FHIP1B: variants seen among roughly 807,000 people sequenced by gnomAD.
The protein encoded by FHIP1B is FHF complex subunit HOOK interacting protein 1B.
In FHIP1B, 28 loss-of-function variants were observed where a neutral mutation model predicts 82.2. The observed-to-expected ratio is 0.34, with a 90% CI of 0.25 to 0.47. FHIP1B has a LOEUF of 0.47. Ranked by LOEUF, FHIP1B falls within the 20% of genes least tolerant of loss-of-function variation. The probability of loss-of-function intolerance (pLI) is 1.00; values close to 1 mark genes in which losing one functional copy is unlikely to be tolerated. For missense variants in FHIP1B, 1,110 were observed against 1,262.6 expected (o/e 0.88, Z 1.83); for synonymous variants, 585 against 516.1 (o/e 1.13, Z -1.81).
intron 1 of FHIP1B, among the ~76,000 whole-genome samples, chr11:6,232,175 CACT>C (rs921442834): frequency 6.6e-6 from 1 of 152,190 alleles, no homozygotes; most frequent in Admixed American, 6.5e-5. Context: ...ATACTTAATG[CACT>C]ACTATTTCAA....
At chr11:6,219,590 G>A (rs1348204204) in intron 6 of FHIP1B, among the ~76,000 whole-genome samples, 2 of 152,196 alleles carry the variant, frequency 1.3e-5, no homozygotes, top group African/African-American at 4.8e-5. Context: ...CAGAAGGCAG[G>A]ATAAAGAACA....
rs761860531 is a variant in FHIP1B at position 6,211,587 on chromosome 11, G to A, written c.2838C>T (p.Ala946=). The A allele has an allele frequency of 6.8e-6, 11 of 1,614,094 alleles. No homozygotes were observed. The highest frequency in any genetic ancestry group is 2.2e-5 in the East Asian group (1 of 44,882). ...TCTCCAACAAGAAAGGCGAGGTGAC[G>A]GCATGAGCCTGGGAGATGGCAGCCA... ...KELAAISQAH[A]VTSPFLLETS... Residue 946 remains alanine, a synonymous_variant, in exon 12 of 12, where the codon GCC becomes GCT. Coordinates refer to ENST00000449352, the MANE Select transcript of FHIP1B (RefSeq NM_001098794.2).
rs1341613567 is a variant in FHIP1B, at chr11:6,222,510, A to G, written c.1123T>C (p.Leu375=). 2.5e-6 allele frequency: 4 copies of G among 1,614,114 alleles called. No individual in the cohort carries two copies. Among genetic ancestry groups the G allele is most frequent in the Middle Eastern group, 3.3e-4 (2 of 6,058 alleles). The change falls in exon 6 of 12, where the codon TTG becomes CTG. Residue 375 remains leucine, a synonymous_variant. Transcript: ENST00000449352. ...GTGTGGGTGTCATGCCGGTGCAACA[A>G]CAGGAATCGCAGGAAGGTACGGAGC... is the stretch of plus-strand genomic sequence containing the variant. ...ALLRTFLRFL[L]LHRHDTHTIL...
In FHIP1B at chr11:6,214,751, A is replaced by G; in HGVS notation, c.2376T>C (p.Ser792=). ...CGCACACCTGCAGCAGGGACTTGACACTGGGCTGGAAGACCATGTTGGTGT... is the reference window on the plus strand; with the variant it reads ...CGCACACCTGCAGCAGGGACTTGACGCTGGGCTGGAAGACCATGTTGGTGT... The part of the protein sequence containing the change: ...LLNTNMVFQP[S]VKSLLQVLGS... Residue 792 remains serine (S), a synonymous_variant, in exon 10 of 12, where the codon AGT becomes AGC. Transcript: ENST00000449352. The G allele has an allele frequency of 1.3e-6, 2 of 1,586,824 alleles. No individual in the cohort carries two copies. Among genetic ancestry groups the G allele is most frequent in the Non-Finnish European group, 1.7e-6 (2 of 1,163,944 alleles).
intron 1 of FHIP1B, among the ~76,000 whole-genome samples, chr11:6,227,457 T>G (rs1457767858): frequency 1.3e-5 from 2 of 152,082 alleles, no homozygotes; most frequent in Non-Finnish European, 2.9e-5. Context: ...TCATAGGAAG[T>G]ATAGGAGATT....
intron 8 of FHIP1B, among the ~76,000 whole-genome samples, chr11:6,218,362 G>C (rs1847308646): frequency 6.6e-6 from 1 of 152,122 alleles, no homozygotes; most frequent in South Asian, 2.1e-4. Context: ...GAAACAGGAA[G>C]AGTACACGAC....
intron 1 of FHIP1B, among the ~76,000 whole-genome samples, chr11:6,227,740 G>C (rs1847599524): frequency 6.6e-6 from 1 of 152,224 alleles, no homozygotes; most frequent in Admixed American, 6.5e-5. Context: ...CATGAAAGGA[G>C]GTAAGGGTAA....
intron 11 of FHIP1B, 180 bp from the exon 12 acceptor site, chr11:6,212,047 G>T (rs948585651): frequency 2.5e-6 from 2 of 801,924 alleles, no homozygotes; most frequent in Non-Finnish European, 3.0e-6. Context: ...TCCCATCCCT[G>T]AAGTTGACTC....
At chr11:6,227,576 C>T (rs1012314596) in intron 1 of FHIP1B, among the ~76,000 whole-genome samples, 1 of 152,150 alleles carries the variant, frequency 6.6e-6, no homozygotes, top group African/African-American at 2.4e-5. Flanking sequence ...GAGACATCTA[C>T]AGGATATTCA....
In FHIP1B at chr11:6,217,381, C is replaced by A; in HGVS notation, c.2205G>T (p.Gln735His). ...PLRTLNQLPSQPFTGPFMAVL... is the reference protein window; with the variant it reads ...PLRTLNQLPSHPFTGPFMAVL... ...GGCTAAGTAGCTTACCAGTGAAGGG[C>A]TGGCTTGGCAGCTGGTTGAGAGTCC... The change falls in exon 9 of 12, where the codon CAG (glutamine) becomes CAT (histidine). Residue 735 changes from glutamine to histidine, a missense_variant. This residue lies in a region of FHIP1B where 418 missense variants were observed against 371.4 expected (regional missense o/e 1.13). Transcript: ENST00000449352. The A allele has an allele frequency of 1.9e-6, 3 of 1,614,054 alleles. No homozygotes were observed. Among genetic ancestry groups the A allele is most frequent in the Non-Finnish European group, 2.5e-6 (3 of 1,180,008 alleles).
chr11:6,226,177 AC>A (rs1847559620), intron 1 of FHIP1B, among the ~76,000 whole-genome samples: 2 of 152,138 alleles, frequency 1.3e-5, no homozygotes, highest in African/African-American at 4.8e-5. Context: ...ATCTCCCTTC[AC>A]CCAGATACTC....
At position 6,222,555 on chromosome 11, in the gene FHIP1B, T is replaced by G; in HGVS notation, c.1078A>C (p.Ser360Arg). The change falls in exon 6 of 12, where the codon AGT becomes CGT. Residue 360 changes from serine (S) to arginine (R), a missense_variant. This residue lies in a region of FHIP1B where 467 missense variants were observed against 602.9 expected (regional missense o/e 0.77). Coordinates refer to ENST00000449352, the MANE Select transcript of FHIP1B (RefSeq NM_001098794.2). Reference protein sequence around the residue: ...STAYLELFLRSISEPALLRTF... With the variant: ...STAYLELFLRRISEPALLRTF... The stretch of plus-strand genomic sequence containing the variant: ...CGGAGCAAAGCAGGCTCTGAGATAC[T>G]CCGTAGGAAAAGTTCCAGATAGGCG... 6.2e-7 allele frequency: 1 copy of G among 1,614,038 alleles called. No individual in the cohort carries two copies. The highest frequency in any genetic ancestry group is 2.2e-5 in the East Asian group (1 of 44,868).
At chr11:6,232,370 C>T (rs1197408270) in intron 1 of FHIP1B, among the ~76,000 whole-genome samples, 3 of 152,190 alleles carry the variant, frequency 2.0e-5, no homozygotes, top group East Asian at 1.9e-4. Context: ...AATGTCACTG[C>T]GACAGCATTA....
intron 6 of FHIP1B, among the ~76,000 whole-genome samples, chr11:6,220,394 C>T (rs998481853): frequency 1.3e-5 from 2 of 152,132 alleles, no homozygotes; most frequent in East Asian, 1.9e-4. Context: ...TTTAGCCTGG[C>T]GAGATCCAGG....
At position 6,222,589 on chromosome 11, in the gene FHIP1B, G is replaced by A. The variant is rs759533253; in HGVS notation, c.1044C>T (p.Ile348=). The change falls in exon 6 of 12, where the codon ATC becomes ATT. Residue 348 remains isoleucine (I), a synonymous_variant. Coordinates refer to ENST00000449352, the MANE Select transcript of FHIP1B (RefSeq NM_001098794.2). ...ALHKTSVEEM[I]ASTAYLELFL... is the part of the protein sequence containing the mutation. The stretch of plus-strand genomic sequence containing the variant: ...AAAGTTCCAGATAGGCGGTACTGGC[G>A]ATCATCTCCTCCACAGAGGTCTGCA... The A allele has an allele frequency of 1.7e-5, 28 of 1,614,020 alleles. No individual in the cohort carries two copies. Among genetic ancestry groups the A allele is most frequent in the Admixed American group, 3.3e-5 (2 of 60,012 alleles).
chr11:6,218,568 C>T, intron 8 of FHIP1B, 32 bp downstream of exon 8: 2 of 1,613,654 alleles, frequency 1.2e-6, no homozygotes, highest in South Asian at 2.2e-5. Context: ...CCGTGATGTC[C>T]TCCCTTCTCC....
chr11:6,228,411 T>C (rs1193754951), intron 1 of FHIP1B, among the ~76,000 whole-genome samples: 1 of 152,074 alleles, frequency 6.6e-6, no homozygotes, highest in Non-Finnish European at 1.5e-5. Flanking sequence ...AGAAAAAGCC[T>C]TTTGATTTTG....
At position 6,229,953 on chromosome 11, in the gene FHIP1B, T is replaced by A. The variant is rs1847655824; in HGVS notation, c.-192+4591A>T. 2.1e-5 allele frequency among the ~76,000 whole-genome samples: 3 copies of A among 143,052 alleles called. No individual in the cohort carries two copies. The South Asian group carries it at 6.6e-4, about 31-fold the overall frequency. The allele number at this position is 143,052 out of a possible 152,430, so 93.8% of individuals were successfully genotyped here. A position where few individuals can be genotyped will look rare whatever the true frequency, so the allele number is the denominator to read the frequency against. ...TTAAAATCACCACCCTCTCATGGTG[T>A]CCTTTCCTCCCATAGCAAAGTCCAA... is the stretch of plus-strand genomic sequence containing the variant. On this transcript the variant is annotated intron_variant, in intron 1 of 11. Transcript: ENST00000449352.
In FHIP1B at chr11:6,211,699, C is replaced by T. The variant is rs143871240; in HGVS notation, c.2726G>A (p.Gly909Asp). The change falls in exon 12 of 12, where the codon GGC becomes GAC. Residue 909 changes from glycine to aspartate, a missense_variant. By Grantham distance (94) the Gly-to-Asp change is moderately conservative. Around this residue, in one of 6 missense-constraint regions of FHIP1B, gnomAD observed 147 missense variants for 154.0 expected, o/e 0.95. Transcript: ENST00000449352. Reference protein sequence around the residue: ...GASTPVLLTRGGAPERQGEAL... With the variant: ...GASTPVLLTRDGAPERQGEAL... ...CTCACCTTGGCGTTCAGGGGCCCCG[C>T]CCCGGGTGAGTAGAACTGGAGTTGA... 1 of 1,614,068 alleles carries T rather than the reference C, an allele frequency of 6.2e-7. No individual in the cohort carries two copies. The highest frequency in any genetic ancestry group is 8.5e-7 in the Non-Finnish European group (1 of 1,179,996).
Sources: allele counts gnomAD v4.1 joint callset (sites outside exome capture counted in the v4.1 genomes callset), GRCh38; gene constraint gnomAD v4.1.1; regional missense constraint gnomAD v4.1.1; transcripts MANE v1.5; gene names NCBI Gene and HGNC (gene_info 2026-07-23, HGNC 2026-07-21).